The following PTPRD variants were observed in gnomAD, a reference collection of about 807,000 sequenced individuals.
The protein encoded by PTPRD is protein tyrosine phosphatase receptor type D.
A neutral mutation model predicts 214.5 loss-of-function variants in PTPRD; 34 were observed. The observed-to-expected ratio is 0.16, with a 90% CI of 0.12 to 0.21. The LOEUF is 0.21. PTPRD is among the 10% of genes least tolerant of loss of function. PTPRD has a pLI of 1.00. For missense variants in PTPRD, 2,545 were observed against 2,398.7 expected, an observed-to-expected ratio of 1.06 and a Z score of -1.27; for synonymous variants, 1,128 against 845.7, an observed-to-expected ratio of 1.33 and a Z score of -5.79.
At chr9:8,392,141 T>C (rs973492688) in intron 36 of PTPRD, among the ~76,000 whole-genome samples, 12 of 151,978 alleles carry the variant, frequency 7.9e-5, no homozygotes, top group African/African-American at 2.9e-4. Context: ...TCCCAACATT[T>C]TGAGAGGCTG....
intron 9 of PTPRD, among the ~76,000 whole-genome samples, chr9:9,292,519 C>T (rs1246059124): frequency 6.6e-6 from 1 of 151,402 alleles, no homozygotes; most frequent in South Asian, 2.1e-4. Flanking sequence ...AAAGAGTTCT[C>T]ATATACTCCA....
At chr9:10,362,264 T>A (rs888364055) in intron 2 of PTPRD, among the ~76,000 whole-genome samples, 4 of 152,130 alleles carry the variant, frequency 2.6e-5, no homozygotes, top group Non-Finnish European at 5.9e-5. Flanking sequence ...GCTTATTATA[T>A]GTCAGGCATT....
rs1298951294 is a variant in PTPRD at position 9,760,641 on chromosome 9, CACACACACACACAT to C, written c.-326+6155_-326+6168del. 3.0e-3 allele frequency among the ~76,000 whole-genome samples: 408 copies of C among 134,686 alleles called. 1 individual carries two copies. Among genetic ancestry groups the C allele is most frequent in the Non-Finnish European group, 4.0e-3 (258 of 63,776 alleles). The allele number at this position is 134,686 out of a possible 152,430, so 88.4% of individuals were successfully genotyped here. Reference sequence around the variant, plus strand: ...ACACACACACACACACACACACACACACACACACACACATATATATATATATTCCAGCACTGTTC... The same window carrying C: ...ACACACACACACACACACACACACACATATATATATATTCCAGCACTGTTC... On this transcript the variant is annotated intron_variant, in intron 6 of 45. Coordinates refer to ENST00000381196, the MANE Select transcript of PTPRD (RefSeq NM_002839.4).
chr9:8,835,287 G>A (rs755537588), intron 11 of PTPRD, among the ~76,000 whole-genome samples: 7 of 152,214 alleles, frequency 4.6e-5, no homozygotes, highest in Non-Finnish European at 7.3e-5. Flanking sequence ...CAGAGAATGG[G>A]ATATGTCTAG....
intron 8 of PTPRD, among the ~76,000 whole-genome samples, chr9:9,463,754 T>C (rs754076022): frequency 1.3e-5 from 2 of 152,148 alleles, no homozygotes; most frequent in African/African-American, 2.4e-5. Context: ...AATTTTCTGA[T>C]AGAGCTGATA....
At chr9:9,592,057 GT>G (rs2092786774) in intron 7 of PTPRD, among the ~76,000 whole-genome samples, 1 of 151,896 alleles carries the variant, frequency 6.6e-6, no homozygotes, top group African/African-American at 2.4e-5. Context: ...AATATTTGAA[GT>G]TTAGTTTTTT....
At chr9:9,408,774 T>C (rs1456224745) in intron 8 of PTPRD, among the ~76,000 whole-genome samples, 2 of 151,882 alleles carry the variant, frequency 1.3e-5, no homozygotes. Flanking sequence ...GAAGATTAAA[T>C]AAAATAATGA....
chr9:8,413,022 A>G lies in PTPRD; in HGVS notation c.4087-8362T>C, dbSNP rs182272187. ...GATATTACAACATCATTTAAGAAACACTATAAGGAAAATTGTTAAGATAAA... is the reference window on the plus strand; with the variant it reads ...GATATTACAACATCATTTAAGAAACGCTATAAGGAAAATTGTTAAGATAAA... On this transcript the variant is annotated intron_variant, in intron 35 of 45. Coordinates refer to ENST00000381196, the MANE Select transcript of PTPRD (RefSeq NM_002839.4). 4.3e-3 allele frequency among the ~76,000 whole-genome samples: 652 copies of G among 152,336 alleles called. 4 individuals carry two copies. The highest frequency in any genetic ancestry group is 6.8e-3 in the Middle Eastern group (2 of 294).
chr9:9,823,927 GTTGAT>G (rs1264463824), intron 5 of PTPRD, among the ~76,000 whole-genome samples: 1 of 151,968 alleles, frequency 6.6e-6, no homozygotes, highest in African/African-American at 2.4e-5. Context: ...TCTCAATTAT[GTTGAT>G]TTGATCATTA....
chr9:9,705,667 A>G (rs1260671717), intron 7 of PTPRD, among the ~76,000 whole-genome samples: 3 of 152,158 alleles, frequency 2.0e-5, no homozygotes, highest in Non-Finnish European at 4.4e-5. Context: ...TTTAAAATAA[A>G]TATACCTACT....
intron 2 of PTPRD, among the ~76,000 whole-genome samples, chr9:10,514,455 T>TTA (rs1240775454): frequency 6.6e-6 from 1 of 151,494 alleles, no homozygotes; most frequent in Non-Finnish European, 1.5e-5. Context: ...ACATATATAG[T>TTA]TATATATATA....
chr9:9,763,252 C>T (rs1415894431), intron 6 of PTPRD, among the ~76,000 whole-genome samples: 1 of 152,158 alleles, frequency 6.6e-6, no homozygotes, highest in Non-Finnish European at 1.5e-5. Flanking sequence ...ATACCCATGA[C>T]ATAGAGATAA....
chr9:10,578,018 T>C (rs2070136863), intron 2 of PTPRD, among the ~76,000 whole-genome samples: 1 of 151,856 alleles, frequency 6.6e-6, no homozygotes, highest in Non-Finnish European at 1.5e-5. Flanking sequence ...TTCAAGCGAT[T>C]CTCTTGCCTC....
chr9:10,479,660 A>AAT lies in PTPRD; in HGVS notation c.-600+132737_-600+132738insAT, dbSNP rs763212006. 3.2e-3 allele frequency among the ~76,000 whole-genome samples: 295 copies of AAT among 91,006 alleles called. 1 individual carries two copies. Among genetic ancestry groups the AAT allele is most frequent in the African/African-American group, 6.9e-3 (204 of 29,542 alleles). 59.7% of individuals were successfully genotyped at this position (91,006 alleles called of 152,430 possible). On this transcript the variant is annotated intron_variant, in intron 2 of 45. Coordinates refer to ENST00000381196, the MANE Select transcript of PTPRD (RefSeq NM_002839.4). The stretch of plus-strand genomic sequence containing the variant: ...AAATAAATAAATAAATAAATAAATA[A>AAT]ACAAAAATACAAAAATTTGCCAAGC...
intron 8 of PTPRD, among the ~76,000 whole-genome samples, chr9:9,546,412 T>C (rs943010592): frequency 6.6e-6 from 1 of 151,830 alleles, no homozygotes; most frequent in African/African-American, 2.4e-5. Context: ...CACATTCTCA[T>C]GTATTTCTAT....
At chr9:10,332,266 T>A (rs2096765007) in intron 3 of PTPRD, among the ~76,000 whole-genome samples, 1 of 151,586 alleles carries the variant, frequency 6.6e-6, no homozygotes, top group East Asian at 2.0e-4. Context: ...ATGTCAGGAG[T>A]CTTAAAATGT....
chr9:8,777,902 A>C (rs1485793859), intron 11 of PTPRD, among the ~76,000 whole-genome samples: 1 of 152,172 alleles, frequency 6.6e-6, no homozygotes, highest in Non-Finnish European at 1.5e-5. Flanking sequence ...ACCATGAAAA[A>C]CATCCTCTAT....
At chr9:9,634,481 T>C (rs1034042597) in intron 7 of PTPRD, among the ~76,000 whole-genome samples, 92 of 152,298 alleles carry the variant, frequency 6.0e-4, no homozygotes, top group African/African-American at 2.2e-3. Context: ...TGTTTGTTTC[T>C]GCTATTGGTA....
chr9:8,553,630 G>T (rs1260159561), intron 14 of PTPRD, among the ~76,000 whole-genome samples: 1 of 152,140 alleles, frequency 6.6e-6, no homozygotes, highest in Non-Finnish European at 1.5e-5. Context: ...ACAGGTACAT[G>T]ACTCAGCATT....
Sources: allele counts gnomAD v4.1 joint callset (sites outside exome capture counted in the v4.1 genomes callset), GRCh38; gene constraint gnomAD v4.1.1; transcripts MANE v1.5; gene names NCBI Gene and HGNC (gene_info 2026-07-23, HGNC 2026-07-21).